Variants in BACE1 observed in about 807,000 individuals in gnomAD.
BACE1 encodes beta-secretase 1.
BACE1 carries 21 observed loss-of-function variants against 54.0 expected under a neutral mutation model. The ratio of observed to expected loss-of-function variants is 0.39; its 90% CI spans 0.28 to 0.56. BACE1 has a LOEUF of 0.56. Among genes scored for constraint, BACE1 ranks in the 20% least tolerant of loss-of-function variants. BACE1 has a pLI of 0.63. For synonymous variants in BACE1, 232 were observed against 260.9 expected, an observed-to-expected ratio of 0.89 and a Z score of 1.07; for missense variants, 511 against 661.2, an observed-to-expected ratio of 0.77 and a Z score of 2.49.
Position 117,293,251 on chromosome 11 carries a change from A to G in BACE1, c.706-63T>C. 17 of 1,564,204 alleles carry G rather than the reference A, an allele frequency of 1.1e-5. No individual in the cohort carries two copies. Among genetic ancestry groups the G allele is most frequent in the Non-Finnish European group, 1.5e-5 (17 of 1,151,634 alleles). ...CAGAAGGAGAGTGAGTCCCCCAAGG[A>G]CCAAGCAATAAGATCAGTGATTTCT... On this transcript the variant is annotated intron_variant, in intron 4 of 8. Coordinates refer to ENST00000313005, the MANE Select transcript of BACE1 (RefSeq NM_012104.6). The surrounding 1 kb of genome is among the most constrained non-coding windows in gnomAD (Gnocchi z 4.1).
At chr11:117,309,580 T>G (rs1332456215) in intron 1 of BACE1, among the ~76,000 whole-genome samples, 1 of 152,188 alleles carries the variant, frequency 6.6e-6, no homozygotes, top group Non-Finnish European at 1.5e-5. Flanking sequence ...AAAACCCTCC[T>G]TTTCCAGCAA....
intron 1 of BACE1, among the ~76,000 whole-genome samples, chr11:117,305,516 G>A (rs2034810324): frequency 6.6e-6 from 1 of 151,758 alleles, no homozygotes; most frequent in Admixed American, 6.6e-5. Flanking sequence ...GCTCCCTGGC[G>A]CCACTTACCC....
chr11:117,309,455 C>T (rs1045005833), intron 1 of BACE1, among the ~76,000 whole-genome samples: 2 of 152,204 alleles, frequency 1.3e-5, no homozygotes, highest in Non-Finnish European at 2.9e-5. Context: ...TCTCCTCTTT[C>T]AAATACCTCC....
chr11:117,301,459 A>G (rs2034723359), intron 1 of BACE1, among the ~76,000 whole-genome samples: 1 of 152,162 alleles, frequency 6.6e-6, no homozygotes, highest in African/African-American at 2.4e-5. Context: ...AATTTTTAAA[A>G]TTAGCCAGGC....
At position 117,291,712 on chromosome 11, in the gene BACE1, G is replaced by A. The variant is rs748797299; in HGVS notation, c.942C>T (p.Ser314=). The A allele has an allele frequency of 8.1e-6, 13 of 1,609,838 alleles. No homozygotes were observed. The highest frequency in any genetic ancestry group is 6.7e-5 in the Admixed American group (4 of 59,970). The change falls in exon 6 of 9, where the codon TCC becomes TCT. Residue 314 remains serine, a splice_region_variant and synonymous_variant. Coordinates refer to ENST00000313005, the MANE Select transcript of BACE1 (RefSeq NM_012104.6). ...AAVKSIKAAS[S]TEKFPDGFWL... is the part of the protein sequence containing the mutation. ...TTACCCCCATCCTTAGTCCACTCAC[G>A]GAGGAGGCTGCCTTGATGGATTTGA...
At position 117,293,720 on chromosome 11, in the gene BACE1, G is replaced by T; in HGVS notation, c.705+151C>A. On this transcript the variant is annotated intron_variant, in intron 4 of 8. Transcript: ENST00000313005. This position sits in a 1 kb window ranked among gnomAD's most constrained non-coding sequence, Gnocchi z 4.1. Reference sequence around the variant, plus strand: ...GAATAACGCAAAAAAGAAAAGAATGGAAAAATAAAGTAAGGGTAGGGAATA... The same window carrying T: ...GAATAACGCAAAAAAGAAAAGAATGTAAAAATAAAGTAAGGGTAGGGAATA... The T allele has an allele frequency of 1.3e-6, 1 of 769,210 alleles. No homozygotes were observed. The highest frequency in any genetic ancestry group is 1.8e-6 in the Non-Finnish European group (1 of 549,636). 47.6% of individuals were successfully genotyped at this position (769,210 alleles called of 1,614,324 possible). A position where few individuals can be genotyped will look rare whatever the true frequency, so the allele number is the denominator to read the frequency against.
chr11:117,315,409 C>A lies in BACE1; in HGVS notation c.261+126G>T. 1 of 1,314,382 alleles carries A rather than the reference C, an allele frequency of 7.6e-7. No individual in the cohort carries two copies. The highest frequency in any genetic ancestry group is 1.0e-6 in the Non-Finnish European group (1 of 988,692). The allele number at this position is 1,314,382 out of a possible 1,614,324, so 81.4% of individuals were successfully genotyped here. A position where few individuals can be genotyped will look rare whatever the true frequency, so the allele number is the denominator to read the frequency against. Reference sequence around the variant, plus strand: ...CAACCACGTGACCCCCGGGGAATGGCTGGGGAGGGGTCCCTCCTGCTGTCC... The same window carrying A: ...CAACCACGTGACCCCCGGGGAATGGATGGGGAGGGGTCCCTCCTGCTGTCC... On this transcript the variant is annotated intron_variant, in intron 1 of 8. Transcript: ENST00000313005. The surrounding 1 kb of genome is among the most constrained non-coding windows in gnomAD (Gnocchi z 5.5).
rs370412544 is a variant in BACE1 at position 117,295,227 on chromosome 11, A to G, written c.471T>C (p.Arg157=). The G allele has an allele frequency of 1.9e-5, 30 of 1,614,044 alleles. No individual in the cohort carries two copies. In the East Asian group the frequency reaches 6.2e-4, roughly 34 times the overall value. The change falls in exon 3 of 9, where the codon CGT becomes CGC. Residue 157 remains arginine, a synonymous_variant. Coordinates refer to ENST00000313005, the MANE Select transcript of BACE1 (RefSeq NM_012104.6). ...ATTCAGTGATGGCAGCAATGTTGGC[A>G]CGCACAGTGACGTTGGGGCCATGGG... ...SIPHGPNVTV[R]ANIAAITESD...
Position 117,290,994 on chromosome 11 carries a change from G to T in BACE1, c.998C>A (p.Ala333Glu), listed in dbSNP as rs1361008749. 4 of 1,614,214 alleles carry T rather than the reference G, an allele frequency of 2.5e-6. No individual in the cohort carries two copies. The highest frequency in any genetic ancestry group is 3.4e-6 in the Non-Finnish European group (4 of 1,180,034). Reference sequence around the variant, plus strand: ...GAAAATGTTCCAAGGGGTGGTGCCTGCTTGCCAGCACACCAGCTGCTCTCC... The same window carrying T: ...GAAAATGTTCCAAGGGGTGGTGCCTTCTTGCCAGCACACCAGCTGCTCTCC... ...WLGEQLVCWQ[A>E]GTTPWNIFPV... Residue 333 changes from alanine to glutamate, a missense_variant, in exon 7 of 9, where the codon GCA becomes GAA. By Grantham distance (107) the Ala-to-Glu change is moderately radical (BLOSUM62 -1). Around this residue, in one of 2 missense-constraint regions of BACE1, gnomAD observed 407 missense variants for 565.7 expected, o/e 0.72. Transcript: ENST00000313005.
intron 1 of BACE1, among the ~76,000 whole-genome samples, chr11:117,306,184 C>T (rs946447831): frequency 2.0e-5 from 3 of 152,210 alleles, no homozygotes; most frequent in African/African-American, 7.2e-5. Flanking sequence ...GCTTCCCTCC[C>T]CTGCCTGTGC....
intron 1 of BACE1, among the ~76,000 whole-genome samples, chr11:117,304,679 C>G (rs1232993368): frequency 6.6e-6 from 1 of 152,202 alleles, no homozygotes; most frequent in Non-Finnish European, 1.5e-5. Context: ...ATCCTTTCTT[C>G]AAAGGTCTTG....
In BACE1 at chr11:117,293,128, G is replaced by A. The variant is rs770251178; in HGVS notation, c.766C>T (p.Arg256Trp). The A allele has an allele frequency of 2.5e-6, 4 of 1,613,890 alleles. No homozygotes were observed. Among genetic ancestry groups the A allele is most frequent in the Non-Finnish European group, 2.5e-6 (3 of 1,179,970 alleles). The change falls in exon 5 of 9, where the codon CGG (arginine) becomes TGG (tryptophan). Residue 256 changes from arginine (R) to tryptophan (W), a missense_variant. Coordinates refer to ENST00000313005, the MANE Select transcript of BACE1 (RefSeq NM_012104.6). The surrounding 1 kb of genome is among the most constrained non-coding windows in gnomAD (Gnocchi z 4.1). ...ATGATCACCTCATAATACCACTCCCGCCGGATGGGTGTATACCAGAGACTG... is the reference window on the plus strand; with the variant it reads ...ATGATCACCTCATAATACCACTCCCACCGGATGGGTGTATACCAGAGACTG... The part of the protein sequence containing the change: ...TGSLWYTPIR[R>W]EWYYEVIIVR...
intron 3 of BACE1, 37 bp downstream of exon 3, chr11:117,295,094 G>C (rs2034563219): frequency 6.4e-7 from 1 of 1,555,716 alleles, no homozygotes; most frequent in African/African-American, 1.4e-5. Flanking sequence ...AGTGCAGTGT[G>C]CATAGAGTGT....
At chr11:117,290,430 G>C in intron 8 of BACE1, 58 bp downstream of exon 8, 1 of 1,582,162 alleles carries the variant, frequency 6.3e-7, no homozygotes, top group Admixed American at 1.8e-5. Context: ...ACTAACTGTT[G>C]TTTGACAAGG....
chr11:117,304,066 C>T (rs1472042822), intron 1 of BACE1, among the ~76,000 whole-genome samples: 1 of 152,226 alleles, frequency 6.6e-6, no homozygotes, highest in African/African-American at 2.4e-5. Context: ...CCCTGCCCCC[C>T]ATACATGCCC....
Position 117,290,904 on chromosome 11 carries a change from G to A in BACE1, c.1088C>T (p.Pro363Leu), listed in dbSNP as rs1565356223. ...TNQSFRITIL[P>L]QQYLRPVEDV... ...CTGACTCAGGCTGGGACATACCTGC[G>A]GAAGGATGGTGATGCGGAAGGACTG... The change falls in exon 7 of 9, where the codon CCG becomes CTG. Residue 363 changes from proline to leucine, a missense_variant. Pro to Leu is a moderately conservative substitution (Grantham distance 98, BLOSUM62 -3). Transcript: ENST00000313005. 6.2e-7 allele frequency: 1 copy of A among 1,613,918 alleles called. No individual in the cohort carries two copies. Among genetic ancestry groups the A allele is most frequent in the South Asian group, 1.1e-5 (1 of 91,056 alleles).
Position 117,288,031 on chromosome 11 carries a change from A to G in BACE1, c.*1535T>C, listed in dbSNP as rs777680867. On this transcript the variant is annotated 3_prime_UTR_variant, in exon 9 of 9. Transcript: ENST00000313005. ...ACTAACACTGGTACCGTAGTTTACT[A>G]TGCTAGAACTGATAGGGAGGTAATG... The G allele has an allele frequency of 2.6e-5, 4 of 152,636 alleles. No individual in the cohort carries two copies. Among genetic ancestry groups the G allele is most frequent in the Non-Finnish European group, 5.9e-5 (4 of 68,042 alleles). The allele number at this position is 152,636 out of a possible 1,614,324, so 9.5% of individuals were successfully genotyped here.
At chr11:117,299,636 C>G (rs1308484068) in intron 1 of BACE1, 1 of 394,434 alleles carries the variant, frequency 2.5e-6, no homozygotes, top group Non-Finnish European at 5.0e-6. Context: ...CTCCCTGCCC[C>G]TCTTCCCCTA....
chr11:117,295,054 C>T lies in BACE1; in HGVS notation c.567+77G>A, dbSNP rs78553874. 2.0e-5 allele frequency: 28 copies of T among 1,392,932 alleles called. No individual in the cohort carries two copies. The African/African-American group carries it at 3.3e-4, about 16-fold the overall frequency. 86.3% of individuals were successfully genotyped at this position (1,392,932 alleles called of 1,614,324 possible). On this transcript the variant is annotated intron_variant, in intron 3 of 8. Transcript: ENST00000313005. Reference sequence around the variant, plus strand: ...ATTGTTGCCCTCCTTCTGCTAATTCCCCTTCTCTCTCCTAATTCCTTCTCT... The same window carrying T: ...ATTGTTGCCCTCCTTCTGCTAATTCTCCTTCTCTCTCCTAATTCCTTCTCT...
Sources: allele counts gnomAD v4.1 joint callset (sites outside exome capture counted in the v4.1 genomes callset), GRCh38; gene constraint gnomAD v4.1.1; regional missense constraint gnomAD v4.1.1; non-coding constraint Gnocchi (gnomAD v3.1); transcripts MANE v1.5; gene names NCBI Gene and HGNC (gene_info 2026-07-23, HGNC 2026-07-21).